The following RANBP2 variants were observed in gnomAD, a reference collection of about 807,000 sequenced individuals.
RANBP2 encodes RAN binding protein 2.
A neutral mutation model predicts 303.6 loss-of-function variants in RANBP2; 57 were observed. The ratio of observed to expected loss-of-function variants is 0.19; its 90% CI spans 0.15 to 0.23. RANBP2 has a LOEUF of 0.23. Among genes scored for constraint, RANBP2 ranks in the 10% least tolerant of loss-of-function variants. The pLI is 1.00. For synonymous variants in RANBP2, 1,167 were observed against 1,301.5 expected, an observed-to-expected ratio of 0.90 and a Z score of 2.23; for missense variants, 3,138 against 3,780.8, an observed-to-expected ratio of 0.83 and a Z score of 4.46.
chr2:109,256,410 AAGG>A, the RANBP2 span, among the ~76,000 whole-genome samples: 5 of 152,176 alleles, frequency 3.3e-5, no homozygotes, highest in Non-Finnish European at 7.3e-5. Context: ...CCTCCCCTGC[AAGG>A]AAGGAGATGT....
the RANBP2 span, among the ~76,000 whole-genome samples, chr2:108,822,519 T>C: frequency 1.3e-5 from 2 of 152,186 alleles, no homozygotes; most frequent in South Asian, 2.1e-4. Flanking sequence ...TTCTCAAGTG[T>C]ACATGGAACA....
chr2:109,440,050 AAGG>A, the RANBP2 span, among the ~76,000 whole-genome samples: 1 of 152,192 alleles, frequency 6.6e-6, no homozygotes, highest in Non-Finnish European at 1.5e-5. Context: ...ACAAAAGAGA[AAGG>A]AGGTTCAGAG....
chr2:108,923,112 T>G, the RANBP2 span, among the ~76,000 whole-genome samples: 2 of 152,304 alleles, frequency 1.3e-5, no homozygotes, highest in South Asian at 4.1e-4. Context: ...CCGAGGCTCA[T>G]GGAGGTTAAG....
the RANBP2 span, among the ~76,000 whole-genome samples, chr2:109,306,445 AG>A: frequency 6.6e-6 from 1 of 152,216 alleles, no homozygotes; most frequent in African/African-American, 2.4e-5. Context: ...CCTTGCAGGC[AG>A]GCTGCACATA....
At chr2:109,606,711 ACT>A in the RANBP2 span, among the ~76,000 whole-genome samples, 2 of 111,912 alleles carry the variant, frequency 1.8e-5, no homozygotes, top group African/African-American at 3.6e-5. Flanking sequence ...ATGGAGTCTC[ACT>A]CTGTCACTCA....
the RANBP2 span, among the ~76,000 whole-genome samples, chr2:109,036,641 C>T: frequency 1.6e-4 from 25 of 152,198 alleles, no homozygotes; most frequent in East Asian, 1.9e-3. Flanking sequence ...TGCCCATTCA[C>T]GGTAAAAAGT....
chr2:109,729,606 C>T, the RANBP2 span, among the ~76,000 whole-genome samples: 141 of 152,164 alleles, frequency 9.3e-4, 1 homozygote, highest in Middle Eastern at 6.8e-3. Context: ...GCCGAAATCA[C>T]GCCACTACAC....
chr2:108,846,884 A>C, the RANBP2 span: 2 of 1,613,548 alleles, frequency 1.2e-6, no homozygotes, highest in East Asian at 2.2e-5. Flanking sequence ...CCAATTTGCC[A>C]TTGAGATTTT....
chr2:108,925,793 T>C, the RANBP2 span, among the ~76,000 whole-genome samples: 3 of 152,300 alleles, frequency 2.0e-5, no homozygotes, highest in Non-Finnish European at 4.4e-5. Flanking sequence ...AATTTTTATA[T>C]TTTAATAGAG....
the RANBP2 span, among the ~76,000 whole-genome samples, chr2:109,685,268 A>G: frequency 6.6e-6 from 1 of 152,214 alleles, no homozygotes; most frequent in Non-Finnish European, 1.5e-5. Flanking sequence ...GGAACAAACA[A>G]TGTCACAATG....
chr2:109,718,369 C>T, the RANBP2 span, among the ~76,000 whole-genome samples: 1 of 152,142 alleles, frequency 6.6e-6, no homozygotes, highest in African/African-American at 2.4e-5. Flanking sequence ...CATACAATGG[C>T]GTATTACTCA....
At chr2:109,586,789 T>C in the RANBP2 span, among the ~76,000 whole-genome samples, 2 of 152,168 alleles carry the variant, frequency 1.3e-5, no homozygotes, top group African/African-American at 2.4e-5. Context: ...ATGGGCCACA[T>C]TTTAGGAGTA....
At chr2:108,923,112 T>C in the RANBP2 span, among the ~76,000 whole-genome samples, 2 of 152,186 alleles carry the variant, frequency 1.3e-5, no homozygotes. Context: ...CCGAGGCTCA[T>C]GGAGGTTAAG....
chr2:109,432,419 A>G, the RANBP2 span: 3 of 1,552,996 alleles, frequency 1.9e-6, no homozygotes, highest in Non-Finnish European at 1.7e-6. Flanking sequence ...TCCTCCAAAG[A>G]CAACCTCCCC....
chr2:108,840,784 ATTTCTTTT>A, the RANBP2 span, among the ~76,000 whole-genome samples: 7,085 of 148,572 alleles, frequency 0.048, 446 homozygotes, highest in African/African-American at 0.15. Context: ...TCTTTGTTTC[ATTTCTTTT>A]TTTCTTTTTT....
chr2:108,850,943 A>T, the RANBP2 span, among the ~76,000 whole-genome samples: 5 of 152,120 alleles, frequency 3.3e-5, no homozygotes, highest in Admixed American at 6.5e-5. Flanking sequence ...CCACCTGGAG[A>T]TAGTGTCAGA....
chr2:108,910,371 T>A, the RANBP2 span: 1 of 1,057,282 alleles, frequency 9.5e-7, no homozygotes, highest in South Asian at 1.3e-5. Flanking sequence ...GGCTAGCCTG[T>A]CAGTTCACTC....
the RANBP2 span, chr2:108,876,046 C>G: frequency 6.0e-6 from 8 of 1,326,262 alleles, no homozygotes; most frequent in Admixed American, 1.8e-5. Flanking sequence ...GATAAACTCT[C>G]TAAGTATGTG....
chr2:109,583,152 G>C, the RANBP2 span, among the ~76,000 whole-genome samples: 10 of 152,068 alleles, frequency 6.6e-5, no homozygotes, highest in African/African-American at 2.4e-4. Flanking sequence ...AAAAGCAAAT[G>C]CAACAAAAAC....
Sources: allele counts gnomAD v4.1 joint callset (sites outside exome capture counted in the v4.1 genomes callset), GRCh38; gene constraint gnomAD v4.1.1; transcripts MANE v1.5; gene names NCBI Gene and HGNC (gene_info 2026-07-23, HGNC 2026-07-21).